Variants in CENPP observed in about 807,000 individuals in gnomAD.
CENPP encodes centromere protein P.
A neutral mutation model predicts 35.6 loss-of-function variants in CENPP; 24 were observed. That is an observed-to-expected ratio of 0.67 (90% CI 0.49 to 0.95). The LOEUF is 0.95. Ranked by LOEUF, CENPP falls within the 40% of genes least tolerant of loss-of-function variation. The pLI, the probability that CENPP is intolerant of heterozygous loss-of-function variation, is 0.00. For missense variants in CENPP, 332 were observed against 345.3 expected (o/e 0.96, Z 0.31); for synonymous variants, 120 against 125.5 (o/e 0.96, Z 0.29).
intron 5 of CENPP, chr9:92,416,738 T>C: frequency 6.2e-7 from 1 of 1,613,592 alleles, no homozygotes; most frequent in Non-Finnish European, 8.5e-7. Flanking sequence ...AAAAATATTA[T>C]ATGGGATGTC....
At chr9:92,607,670 AG>A (rs1384908222) in intron 5 of CENPP, among the ~76,000 whole-genome samples, 5 of 152,218 alleles carry the variant, frequency 3.3e-5, no homozygotes, top group Non-Finnish European at 7.3e-5. Context: ...TGGACACCCA[AG>A]GGTAGATTTA....
intron 4 of CENPP, among the ~76,000 whole-genome samples, chr9:92,357,829 G>C (rs1841633067): frequency 6.7e-6 from 1 of 148,844 alleles, no homozygotes; most frequent in South Asian, 2.1e-4. Flanking sequence ...CAGTTTTGCA[G>C]AATAGAAAAT....
intron 5 of CENPP, among the ~76,000 whole-genome samples, chr9:92,583,202 G>A (rs1364057658): frequency 6.6e-6 from 1 of 152,164 alleles, no homozygotes; most frequent in African/African-American, 2.4e-5. Context: ...TACAAGCATG[G>A]CTGGGTGGTG....
Position 92,612,587 on chromosome 9 carries a change from G to C in CENPP, c.709G>C (p.Asp237His), listed in dbSNP as rs779179795. ...DEDGKVFPKLDLLTKVPQRAL... is the reference protein window; with the variant it reads ...DEDGKVFPKLHLLTKVPQRAL... ...AGATGGGAAGGTTTTTCCAAAGCTG[G>C]ATCTTCTCACCAAAGTCCCACAGCG... is the stretch of plus-strand genomic sequence containing the variant. Residue 237 changes from aspartate to histidine, a missense_variant, in exon 7 of 8, where the codon GAT becomes CAT. Transcript: ENST00000375587. The C allele has an allele frequency of 1.9e-6, 3 of 1,614,114 alleles. No homozygotes were observed. The highest frequency in any genetic ancestry group is 2.5e-6 in the Non-Finnish European group (3 of 1,179,990).
At chr9:92,442,259 G>A (rs1333092911) in intron 5 of CENPP, among the ~76,000 whole-genome samples, 1 of 151,728 alleles carries the variant, frequency 6.6e-6, no homozygotes, top group Non-Finnish European at 1.5e-5. Flanking sequence ...TTAGCCGAGC[G>A]TGGTGGCGCA....
chr9:92,416,091 TTTATTTATTTTA>T (rs1843599095), intron 5 of CENPP, among the ~76,000 whole-genome samples: 2 of 143,106 alleles, frequency 1.4e-5, no homozygotes, highest in African/African-American at 5.1e-5. Flanking sequence ...TATTTATTTA[TTTATTTATTTTA>T]TTTTTTTTTT....
At chr9:92,365,586 T>C (rs547098030) in intron 4 of CENPP, among the ~76,000 whole-genome samples, 13 of 151,792 alleles carry the variant, frequency 8.6e-5, no homozygotes, top group Admixed American at 6.6e-4. Flanking sequence ...AATTTTTGTA[T>C]TCTTAGTAGA....
intron 5 of CENPP, among the ~76,000 whole-genome samples, chr9:92,394,925 T>C (rs956333814): frequency 6.6e-6 from 1 of 152,156 alleles, no homozygotes; most frequent in Admixed American, 6.5e-5. Flanking sequence ...GAAATTTTAA[T>C]TGATATTTTC....
At chr9:92,433,698 G>A (rs980403707) in intron 5 of CENPP, among the ~76,000 whole-genome samples, 14 of 152,112 alleles carry the variant, frequency 9.2e-5, no homozygotes, top group African/African-American at 1.2e-4. Context: ...TTGGGAGGCC[G>A]AAGCAGGCAG....
chr9:92,416,748 C>T, intron 5 of CENPP: 1 of 1,613,478 alleles, frequency 6.2e-7, no homozygotes, highest in Non-Finnish European at 8.5e-7. Flanking sequence ...TATGGGATGT[C>T]TTGTAGTTTG....
chr9:92,362,847 T>C (rs913402139), intron 4 of CENPP, among the ~76,000 whole-genome samples: 5 of 152,248 alleles, frequency 3.3e-5, no homozygotes, highest in African/African-American at 1.2e-4. Flanking sequence ...TGTATATGTA[T>C]CCATATTTAT....
At chr9:92,569,484 C>G (rs1384757800) in intron 5 of CENPP, among the ~76,000 whole-genome samples, 2 of 152,132 alleles carry the variant, frequency 1.3e-5, no homozygotes, top group Non-Finnish European at 2.9e-5. Context: ...TTACTGTAGC[C>G]TTGTAGTATA....
intron 5 of CENPP, among the ~76,000 whole-genome samples, chr9:92,609,146 A>G (rs1182259783): frequency 6.6e-6 from 1 of 152,218 alleles, no homozygotes; most frequent in Non-Finnish European, 1.5e-5. Flanking sequence ...TCTTATGGAA[A>G]CTGTTGTGCT....
At chr9:92,559,800 G>T (rs1004203135) in intron 5 of CENPP, among the ~76,000 whole-genome samples, 1 of 152,072 alleles carries the variant, frequency 6.6e-6, no homozygotes, top group African/African-American at 2.4e-5. Flanking sequence ...CATGCCTGCT[G>T]TCCTATGTTT....
intron 5 of CENPP, chr9:92,522,865 A>G (rs756211991): frequency 1.3e-6 from 2 of 1,590,618 alleles, no homozygotes; most frequent in Non-Finnish European, 1.7e-6. Flanking sequence ...TGCAATCTTC[A>G]TGTTTGATTT....
chr9:92,474,732 G>C, intron 5 of CENPP: 1 of 1,588,610 alleles, frequency 6.3e-7, no homozygotes, highest in Non-Finnish European at 8.6e-7. Flanking sequence ...GTTGGAAAAA[G>C]AGAGTTGTCC....
At chr9:92,427,547 C>A (rs1843998753) in intron 5 of CENPP, among the ~76,000 whole-genome samples, 1 of 152,138 alleles carries the variant, frequency 6.6e-6, no homozygotes, top group Non-Finnish European at 1.5e-5. Context: ...GTGGTGTGAT[C>A]TTGGCCCACT....
At chr9:92,352,023 CTTT>C (rs113545279) in intron 4 of CENPP, among the ~76,000 whole-genome samples, 17 of 132,430 alleles carry the variant, frequency 1.3e-4, no homozygotes, top group Non-Finnish European at 2.1e-4. Flanking sequence ...TTTTCTTTTC[CTTT>C]TTTTTTTTTT....
intron 1 of CENPP, among the ~76,000 whole-genome samples, chr9:92,327,661 G>A (rs760259989): frequency 3.9e-5 from 6 of 152,198 alleles, no homozygotes; most frequent in Non-Finnish European, 7.3e-5. Context: ...ACAAGTCCAT[G>A]GTTGGTGATC....
Sources: gnomAD v4.1 joint callset for allele counts (sites outside exome capture counted in the v4.1 genomes callset) on GRCh38, gnomAD v4.1.1 for gene constraint, MANE v1.5 for transcripts, NCBI Gene and HGNC (gene_info 2026-07-23, HGNC 2026-07-21) for gene names.